UBE2V1: variants seen among roughly 807,000 people sequenced by gnomAD.
The protein encoded by UBE2V1 is ubiquitin conjugating enzyme E2 V1.
UBE2V1 carries 15 observed loss-of-function variants against 19.6 expected under a neutral mutation model. The observed-to-expected ratio is 0.77, with a 90% CI of 0.51 to 1.18. The LOEUF (loss-of-function observed/expected upper bound fraction) is 1.18. Ranked by LOEUF, UBE2V1 falls within the 50% of genes most tolerant of loss-of-function variation. UBE2V1 has a pLI of 0.00. For synonymous variants in UBE2V1, 60 were observed against 60.7 expected (o/e 0.99, Z 0.05); for missense variants, 125 against 184.8 (o/e 0.68, Z 1.88).
At chr20:50,089,897 T>TA (rs140933870) in intron 2 of UBE2V1, among the ~76,000 whole-genome samples, 2,063 of 152,314 alleles carry the variant, frequency 0.014, 43 homozygotes, top group African/African-American at 0.047. Flanking sequence ...TTCCTTTAGG[T>TA]ATCACCCCAG....
rs1568989324 is a variant in UBE2V1, at chr20:50,094,299, A to ATATAATATATAATGCAT, written c.171+2372_171+2373insATGCATTATATATTATA. On this transcript the variant is annotated intron_variant, in intron 2 of 3. Coordinates refer to ENST00000371674, the MANE Select transcript of UBE2V1 (RefSeq NM_001032288.3). ...ATAATGCATTATATAATATATAATT[A>ATATAATATATAATGCAT]TATATAATATATGTCCATCTTCAAA... 2.7e-4 allele frequency among the ~76,000 whole-genome samples: 22 copies of ATATAATATATAATGCAT among 80,010 alleles called. 1 individual carries two copies. The highest frequency in any genetic ancestry group is 1.4e-3 in the African/African-American group (21 of 15,552). The allele number at this position is 80,010 out of a possible 152,430, so 52.5% of individuals were successfully genotyped here.
At chr20:50,087,393 CAA>C (rs10716682) in intron 2 of UBE2V1, among the ~76,000 whole-genome samples, 96 of 101,326 alleles carry the variant, frequency 9.5e-4, no homozygotes, top group East Asian at 1.6e-3. Context: ...GACACTTTGT[CAA>C]AAAAAAAAAA....
Position 50,084,273 on chromosome 20 carries a change from G to A in UBE2V1, c.172-19C>T. 1.9e-6 allele frequency: 3 copies of A among 1,610,564 alleles called. No homozygotes were observed. The highest frequency in any genetic ancestry group is 1.1e-5 in the South Asian group (1 of 91,044). ...AAATTGTCTGGAAAAAAAGAGTACG[G>A]AGATGTCACGCAATTACAAACAAAG... On this transcript the variant is annotated intron_variant, in intron 2 of 3. Coordinates refer to ENST00000371674, the MANE Select transcript of UBE2V1 (RefSeq NM_001032288.3).
intron 1 of UBE2V1, among the ~76,000 whole-genome samples, chr20:50,103,461 AGTG>A (rs1457730513): frequency 6.6e-6 from 1 of 152,194 alleles, no homozygotes; most frequent in Non-Finnish European, 1.5e-5. Context: ...GCTGGAGTGC[AGTG>A]GTGTGATTTT....
chr20:50,087,124 G>A (rs1297756894), intron 2 of UBE2V1, among the ~76,000 whole-genome samples: 2 of 151,834 alleles, frequency 1.3e-5, no homozygotes, highest in Admixed American at 6.6e-5. Context: ...GGCTGGGTGC[G>A]GTGGATGACG....
At chr20:50,106,361 T>C (rs2080356548) in intron 1 of UBE2V1, among the ~76,000 whole-genome samples, 1 of 152,200 alleles carries the variant, frequency 6.6e-6, no homozygotes, top group South Asian at 2.1e-4. Flanking sequence ...CTTTACACCA[T>C]GCCACAGTAA....
At chr20:50,097,098 C>T (rs966309714) in intron 1 of UBE2V1, among the ~76,000 whole-genome samples, 2 of 152,178 alleles carry the variant, frequency 1.3e-5, no homozygotes, top group Non-Finnish European at 2.9e-5. Flanking sequence ...GACAAACCTC[C>T]TAAGGGGCTT....
intron 2 of UBE2V1, among the ~76,000 whole-genome samples, chr20:50,088,162 G>C (rs1568975212): frequency 6.9e-6 from 1 of 145,772 alleles, no homozygotes. Flanking sequence ...TACCTGACCA[G>C]TACTCCTCAA....
chr20:50,112,974 G>A, intron 1 of UBE2V1, 133 bp downstream of exon 1: 3 of 406,994 alleles, frequency 7.4e-6, no homozygotes, highest in Non-Finnish European at 8.4e-6. Context: ...GGCCGCGCCG[G>A]TGGCTGCCGC....
chr20:50,104,057 G>A (rs2080184341), intron 1 of UBE2V1, among the ~76,000 whole-genome samples: 1 of 151,670 alleles, frequency 6.6e-6, no homozygotes, highest in South Asian at 2.1e-4. Context: ...GCTGAGACAG[G>A]CGGATCACGA....
intron 2 of UBE2V1, among the ~76,000 whole-genome samples, chr20:50,092,597 T>C (rs1363498445): frequency 2.0e-5 from 3 of 152,236 alleles, no homozygotes; most frequent in African/African-American, 7.2e-5. Flanking sequence ...CTCTGCTCTA[T>C]ATAACTTGAC....
rs2078649875 is a variant in UBE2V1 at position 50,081,670 on chromosome 20, T to C, written c.*1098A>G. 3 of 182,976 alleles carry C rather than the reference T, an allele frequency of 1.6e-5. No homozygotes were observed. Among genetic ancestry groups the C allele is most frequent in the Non-Finnish European group, 2.3e-5 (2 of 88,292 alleles). The allele number at this position is 182,976 out of a possible 1,614,324, so 11.3% of individuals were successfully genotyped here. On this transcript the variant is annotated 3_prime_UTR_variant, in exon 4 of 4. Transcript: ENST00000371674. The stretch of plus-strand genomic sequence containing the variant: ...AAAGCCCTGTTTAAAACTTCTTCAA[T>C]TTTTAAAAGCAAAAGCAGTTACAGG...
intron 1 of UBE2V1, chr20:50,111,152 A>C (rs1053745728): frequency 1.4e-6 from 1 of 696,774 alleles, no homozygotes; most frequent in African/African-American, 1.9e-5. Flanking sequence ...AAACAGACAA[A>C]AGAATTTTGG....
chr20:50,114,755 T>C (rs2080957633), upstream of UBE2V1, among the ~76,000 whole-genome samples: 8 of 152,026 alleles, frequency 5.3e-5, no homozygotes, highest in Admixed American at 4.6e-4. Flanking sequence ...GCGCTGCAGG[T>C]GAGTGACTCC....
At chr20:50,115,657 G>T, upstream of UBE2V1, 1 of 1,303,200 alleles carries the variant, frequency 7.7e-7, no homozygotes. Context: ...AACCCCTTGG[G>T]CACAGGGAAG....
chr20:50,087,981 G>A (rs907548660), intron 2 of UBE2V1, among the ~76,000 whole-genome samples: 2 of 151,710 alleles, frequency 1.3e-5, no homozygotes, highest in Non-Finnish European at 2.9e-5. Flanking sequence ...TCCAATTCTG[G>A]ATATATTTGT....
chr20:50,114,764 C>T (rs1358328533), upstream of UBE2V1, among the ~76,000 whole-genome samples: 1 of 151,862 alleles, frequency 6.6e-6, no homozygotes, highest in Non-Finnish European at 1.5e-5. Context: ...GTGAGTGACT[C>T]CTTAAAATCT....
chr20:50,092,740 T>A (rs568705194), intron 2 of UBE2V1, among the ~76,000 whole-genome samples: 1 of 152,346 alleles, frequency 6.6e-6, no homozygotes, highest in South Asian at 2.1e-4. Context: ...GATTTGCTTT[T>A]CTTTAAATAA....
intron 2 of UBE2V1, chr20:50,084,642 T>G (rs1378336306): frequency 2.3e-6 from 1 of 436,306 alleles, no homozygotes; most frequent in Non-Finnish European, 4.6e-6. Flanking sequence ...ATCAGTTAAA[T>G]AACACTATGT....
Sources: allele counts gnomAD v4.1 joint callset (sites outside exome capture counted in the v4.1 genomes callset), GRCh38; gene constraint gnomAD v4.1.1; transcripts MANE v1.5; gene names NCBI Gene and HGNC (gene_info 2026-07-23, HGNC 2026-07-21).